HS3ST4: variants seen among roughly 807,000 people sequenced by gnomAD.
HS3ST4 encodes the protein heparan sulfate-glucosamine 3-sulfotransferase 4.
HS3ST4 carries 17 observed loss-of-function variants against 29.2 expected under a neutral mutation model. The ratio of observed to expected loss-of-function variants is 0.58; its 90% CI spans 0.40 to 0.87. The LOEUF (loss-of-function observed/expected upper bound fraction) is 0.87, where lower values mean the gene tolerates loss of function less well. HS3ST4 is among the 40% of genes least tolerant of loss of function. The pLI, the probability that HS3ST4 is intolerant of heterozygous loss-of-function variation, is 0.00. For missense variants in HS3ST4, 627 were observed against 634.5 expected (o/e 0.99, Z 0.13); for synonymous variants, 314 against 285.7 (o/e 1.10, Z -1.00).
intron 1 of HS3ST4, among the ~76,000 whole-genome samples, chr16:26,054,328 AGAG>A (rs1179636864): frequency 4.3e-5 from 6 of 140,860 alleles, no homozygotes; most frequent in Admixed American, 6.8e-5. Context: ...AAGAAGAAGA[AGAG>A]AAGAAGAAGA....
chr16:26,024,377 G>A (rs1969446422), intron 1 of HS3ST4, among the ~76,000 whole-genome samples: 1 of 152,062 alleles, frequency 6.6e-6, no homozygotes, highest in Non-Finnish European at 1.5e-5. Context: ...CTTCCCTTTA[G>A]AACTGTGGCA....
intron 1 of HS3ST4, among the ~76,000 whole-genome samples, chr16:26,109,468 G>T (rs1289539526): frequency 2.0e-5 from 3 of 152,066 alleles, no homozygotes; most frequent in African/African-American, 4.8e-5. Context: ...GAGAAGAGCG[G>T]GAGCAACCAG....
At chr16:25,912,470 T>G (rs2141678745) in intron 1 of HS3ST4, among the ~76,000 whole-genome samples, 1 of 146,818 alleles carries the variant, frequency 6.8e-6, no homozygotes, top group East Asian at 2.1e-4. Context: ...GAAGGCTGAG[T>G]CAGCAGGAGC....
chr16:25,935,187 T>C (rs1968506513), intron 1 of HS3ST4, among the ~76,000 whole-genome samples: 1 of 152,140 alleles, frequency 6.6e-6, no homozygotes, highest in Non-Finnish European at 1.5e-5. Flanking sequence ...TAAACCTCTT[T>C]CCTTGAAAAA....
At chr16:25,775,982 C>T (rs1966847236) in intron 1 of HS3ST4, among the ~76,000 whole-genome samples, 1 of 152,222 alleles carries the variant, frequency 6.6e-6, no homozygotes, top group South Asian at 2.1e-4. Context: ...GAGCCATGCA[C>T]ACTTGGTGAA....
At chr16:25,889,846 C>T (rs1393952784) in intron 1 of HS3ST4, among the ~76,000 whole-genome samples, 1 of 152,064 alleles carries the variant, frequency 6.6e-6, no homozygotes, top group African/African-American at 2.4e-5. Flanking sequence ...GTGCTGTTCT[C>T]TGATAGTGAG....
rs562510273 is a variant in HS3ST4, at chr16:26,002,907, GA to G, written c.735-132698del. 6.4e-3 allele frequency among the ~76,000 whole-genome samples: 954 copies of G among 148,678 alleles called. 10 individuals are homozygous for G. The highest frequency in any genetic ancestry group is 0.023 in the African/African-American group (924 of 40,630). The stretch of plus-strand genomic sequence containing the variant: ...GTCATCCTCTCCAGAAGTTTCAAGA[GA>G]AAAAAACTTTAGCTTCCTAGATGCA... On this transcript the variant is annotated intron_variant, in intron 1 of 1. Coordinates refer to ENST00000331351, the MANE Select transcript of HS3ST4 (RefSeq NM_006040.3).
chr16:25,857,989 T>C (rs1231440416), intron 1 of HS3ST4, among the ~76,000 whole-genome samples: 1 of 144,994 alleles, frequency 6.9e-6, no homozygotes, highest in East Asian at 2.0e-4. Context: ...CTGTCTTTCT[T>C]TTTCTTCCTT....
chr16:25,983,878 T>C (rs1596635207), intron 1 of HS3ST4, among the ~76,000 whole-genome samples: 2 of 146,004 alleles, frequency 1.4e-5, no homozygotes, highest in East Asian at 4.0e-4. Flanking sequence ...CATGGCAGCT[T>C]CTTTTACCTT....
intron 1 of HS3ST4, among the ~76,000 whole-genome samples, chr16:25,854,756 G>A (rs921528959): frequency 1.8e-4 from 27 of 150,746 alleles, no homozygotes; most frequent in African/African-American, 6.1e-4. Context: ...GGAGCCCTTG[G>A]TGTGGTGGTA....
intron 1 of HS3ST4, among the ~76,000 whole-genome samples, chr16:25,815,898 C>T (rs1467453660): frequency 1.3e-5 from 2 of 152,160 alleles, no homozygotes; most frequent in Admixed American, 6.5e-5. Flanking sequence ...TTTCAATATC[C>T]ATTTGGCCCA....
Position 25,909,215 on chromosome 16 carries a change from C to T in HS3ST4, c.734+216064C>T, listed in dbSNP as rs556933797. Among the ~76,000 whole-genome samples the T allele has an allele frequency of 2.5e-4, 38 of 152,130 alleles. No homozygotes were observed. The South Asian group carries it at 7.9e-3, about 32-fold the overall frequency. On this transcript the variant is annotated intron_variant, in intron 1 of 1. Transcript: ENST00000331351. Reference sequence around the variant, plus strand: ...TCTTTTTTCTTTTTTTCGAGATGGGCTCTTGCTCTGCAGCCCAGGCTGGAG... The same window carrying T: ...TCTTTTTTCTTTTTTTCGAGATGGGTTCTTGCTCTGCAGCCCAGGCTGGAG...
At chr16:25,769,237 G>A (rs1277779007) in intron 1 of HS3ST4, among the ~76,000 whole-genome samples, 3 of 152,156 alleles carry the variant, frequency 2.0e-5, no homozygotes, top group Non-Finnish European at 4.4e-5. Context: ...CTCTGTGTGT[G>A]TAGGGGTGGG....
chr16:25,725,707 A>T (rs1966530639), intron 1 of HS3ST4, among the ~76,000 whole-genome samples: 1 of 150,976 alleles, frequency 6.6e-6, no homozygotes, highest in Admixed American at 6.6e-5. Context: ...TAATTTAAAA[A>T]TATAGATTGC....
chr16:25,722,497 T>G (rs1966504192), intron 1 of HS3ST4, among the ~76,000 whole-genome samples: 1 of 152,246 alleles, frequency 6.6e-6, no homozygotes, highest in Admixed American at 6.5e-5. Flanking sequence ...ATGCTGGCCT[T>G]ACGGGAACTT....
At chr16:25,702,812 G>C (rs924088190) in intron 1 of HS3ST4, among the ~76,000 whole-genome samples, 13 of 152,190 alleles carry the variant, frequency 8.5e-5, no homozygotes, top group African/African-American at 3.1e-4. Context: ...CCCCAATTCA[G>C]GGGTAGAAGA....
chr16:26,079,818 T>G (rs1567307632), intron 1 of HS3ST4, among the ~76,000 whole-genome samples: 1 of 152,144 alleles, frequency 6.6e-6, no homozygotes, highest in Non-Finnish European at 1.5e-5. Flanking sequence ...CAGACAGTCT[T>G]AAAGGCTTTA....
rs916719001 is a variant in HS3ST4 at position 26,136,541 on chromosome 16, G to A, written c.*293G>A. On this transcript the variant is annotated 3_prime_UTR_variant, in exon 2 of 2. Transcript: ENST00000331351. The stretch of plus-strand genomic sequence containing the variant: ...TAGTTAATATAGCCTGAAGACAGAG[G>A]ATAAATAGTTGTCAATGTCAGAGAC... 1 of 443,044 alleles carries A rather than the reference G, an allele frequency of 2.3e-6. No homozygotes were observed. Among genetic ancestry groups the A allele is most frequent in the Non-Finnish European group, 4.1e-6 (1 of 246,456 alleles). The allele number at this position is 443,044 out of a possible 1,614,324, so 27.4% of individuals were successfully genotyped here. A position where few individuals can be genotyped will look rare whatever the true frequency, so the allele number is the denominator to read the frequency against.
chr16:25,951,983 A>C (rs1968687290), intron 1 of HS3ST4, among the ~76,000 whole-genome samples: 1 of 148,352 alleles, frequency 6.7e-6, no homozygotes, highest in Non-Finnish European at 1.5e-5. Flanking sequence ...AAAAAGAATT[A>C]AATAAAAAAG....
Sources: allele counts gnomAD v4.1 joint callset (sites outside exome capture counted in the v4.1 genomes callset), GRCh38; gene constraint gnomAD v4.1.1; transcripts MANE v1.5; gene names NCBI Gene and HGNC (gene_info 2026-07-23, HGNC 2026-07-21).